CWF19L2: variants seen among roughly 807,000 people sequenced by gnomAD.
The protein encoded by CWF19L2 is CWF19 like cell cycle control factor 2, also known as CWF19-like protein 2.
In CWF19L2, 98 loss-of-function variants were observed where a neutral mutation model predicts 111.7. That is an observed-to-expected ratio of 0.88 (90% confidence interval 0.75 to 1.04). CWF19L2 has a LOEUF of 1.04. CWF19L2 is among the 50% of genes least tolerant of loss of function. CWF19L2 has a pLI of 0.00. For synonymous variants in CWF19L2, 351 were observed against 342.9 expected, an observed-to-expected ratio of 1.02 and a Z score of -0.26; for missense variants, 1,101 against 1,051.4, an observed-to-expected ratio of 1.05 and a Z score of -0.65.
rs539568359 is a variant in CWF19L2, at chr11:107,342,092, T to C, written c.2203-5379A>G. Among the ~76,000 whole-genome samples the C allele has an allele frequency of 1.1e-4, 16 of 152,120 alleles. No homozygotes were observed. In the South Asian group the frequency reaches 3.3e-3, roughly 31 times the overall value. On this transcript the variant is annotated intron_variant, in intron 14 of 17. Transcript: ENST00000282251. Reference sequence around the variant, plus strand: ...TCTTATCTTTATTATTTCTGTCCTTTTGCTTGCTTTGGATGTACTTTGCTC... The same window carrying C: ...TCTTATCTTTATTATTTCTGTCCTTCTGCTTGCTTTGGATGTACTTTGCTC...
intron 10 of CWF19L2, among the ~76,000 whole-genome samples, chr11:107,401,322 G>A (rs1338355510): frequency 6.6e-6 from 1 of 151,998 alleles, no homozygotes; most frequent in Admixed American, 6.6e-5. Context: ...AAACCCTAAG[G>A]ACTCCTCCAG....
At chr11:107,338,087 A>C (rs1259071218) in intron 14 of CWF19L2, among the ~76,000 whole-genome samples, 1 of 152,082 alleles carries the variant, frequency 6.6e-6, no homozygotes. Context: ...AGATGTGGTT[A>C]TGCTATGTTG....
intron 12 of CWF19L2, among the ~76,000 whole-genome samples, chr11:107,355,218 C>T (rs1860217869): frequency 6.6e-6 from 1 of 152,048 alleles, no homozygotes; most frequent in African/African-American, 2.4e-5. Flanking sequence ...GAGTTTGAGA[C>T]CAGCCTGACC....
At chr11:107,380,247 A>C (rs1860664999) in intron 12 of CWF19L2, among the ~76,000 whole-genome samples, 2 of 152,130 alleles carry the variant, frequency 1.3e-5, no homozygotes, top group African/African-American at 4.8e-5. Flanking sequence ...AAACCATTTC[A>C]AATTTTATGA....
At chr11:107,386,438 C>T (rs1387453133) in intron 12 of CWF19L2, among the ~76,000 whole-genome samples, 1 of 152,192 alleles carries the variant, frequency 6.6e-6, no homozygotes, top group Non-Finnish European at 1.5e-5. Context: ...CAAATTCACT[C>T]TTGAACACAA....
intron 12 of CWF19L2, among the ~76,000 whole-genome samples, chr11:107,380,825 T>C (rs1247491366): frequency 6.6e-6 from 1 of 152,168 alleles, no homozygotes; most frequent in East Asian, 1.9e-4. Context: ...CAAGTGTCCA[T>C]GAACAAATGA....
chr11:107,404,628 G>A, intron 10 of CWF19L2: 1 of 531,156 alleles, frequency 1.9e-6, no homozygotes, highest in Non-Finnish European at 3.5e-6. Flanking sequence ...GCTTCCCTTT[G>A]TCCCACGCTT....
chr11:107,339,568 T>A (rs1277611676), intron 14 of CWF19L2, among the ~76,000 whole-genome samples: 1 of 152,090 alleles, frequency 6.6e-6, no homozygotes. Context: ...TGCATTTTCC[T>A]AAGGGCCAAT....
intron 16 of CWF19L2, among the ~76,000 whole-genome samples, chr11:107,334,565 T>G (rs1247903319): frequency 1.3e-5 from 2 of 152,206 alleles, no homozygotes; most frequent in African/African-American, 4.8e-5. Flanking sequence ...TTCTCACCAT[T>G]TGTCCCACAG....
chr11:107,418,099 G>A, intron 9 of CWF19L2, 95 bp downstream of exon 9: 1 of 784,644 alleles, frequency 1.3e-6, no homozygotes, highest in Non-Finnish European at 2.3e-6. Context: ...TTTTCACAGT[G>A]TGCTATATCC....
At position 107,371,825 on chromosome 11, in the gene CWF19L2, C is replaced by T. The variant is rs113663523; in HGVS notation, c.1873-18089G>A. The stretch of plus-strand genomic sequence containing the variant: ...TGACATTCTTAAAAAGTGATCTCTA[C>T]CAAAAAAAGTGGAGAAAGCCAACAA... On this transcript the variant is annotated intron_variant, in intron 12 of 17. Transcript: ENST00000282251. 2.9e-5 allele frequency among the ~76,000 whole-genome samples: 4 copies of T among 135,928 alleles called. 1 individual carries two copies. The highest frequency in any genetic ancestry group is 6.3e-5 in the Non-Finnish European group (4 of 63,896). 89.2% of individuals were successfully genotyped at this position (135,928 alleles called of 152,430 possible).
intron 12 of CWF19L2, among the ~76,000 whole-genome samples, chr11:107,360,931 T>C (rs919657012): frequency 2.0e-5 from 3 of 152,226 alleles, no homozygotes; most frequent in African/African-American, 7.2e-5. Flanking sequence ...CTGTGCAGGC[T>C]ATCTGTTCAT....
At position 107,382,513 on chromosome 11, in the gene CWF19L2, C is replaced by A. The variant is rs80288792; in HGVS notation, c.1872+7561G>T. 4.3e-3 allele frequency among the ~76,000 whole-genome samples: 654 copies of A among 152,290 alleles called. 2 individuals carry two copies. The highest frequency in any genetic ancestry group is 0.017 in the Middle Eastern group (5 of 294). ...AAGGTCCCTTTCCAAATCTAAAATT[C>A]TTTGGCTCTATGATTTCGAAGGAAG... On this transcript the variant is annotated intron_variant, in intron 12 of 17. Coordinates refer to ENST00000282251, the MANE Select transcript of CWF19L2 (RefSeq NM_152434.3).
At chr11:107,333,906 T>G (rs1859884989) in intron 16 of CWF19L2, among the ~76,000 whole-genome samples, 1 of 152,190 alleles carries the variant, frequency 6.6e-6, no homozygotes, top group Non-Finnish European at 1.5e-5. Context: ...ATAAAATACT[T>G]TAGGCTTCGC....
chr11:107,344,707 G>T (rs994718696), intron 14 of CWF19L2, among the ~76,000 whole-genome samples: 1 of 152,106 alleles, frequency 6.6e-6, no homozygotes, highest in Non-Finnish European at 1.5e-5. Context: ...TGTTATCTTG[G>T]TGTTGGTGTC....
At chr11:107,404,152 C>T (rs1042164859) in intron 10 of CWF19L2, 38 of 775,672 alleles carry the variant, frequency 4.9e-5, no homozygotes, top group Admixed American at 2.0e-4. Flanking sequence ...AGCTTCTGCA[C>T]GATTTTTTGC....
chr11:107,425,208 AC>A (rs1180228376), intron 8 of CWF19L2, among the ~76,000 whole-genome samples: 12 of 150,570 alleles, frequency 8.0e-5, no homozygotes, highest in Middle Eastern at 3.4e-3. Flanking sequence ...ACACACACAC[AC>A]ACACACAAAG....
intron 17 of CWF19L2, among the ~76,000 whole-genome samples, chr11:107,329,615 C>A (rs957311874): frequency 1.3e-5 from 2 of 151,994 alleles, no homozygotes; most frequent in Admixed American, 1.3e-4. Context: ...CACTGTAAGC[C>A]CTTAATAAGT....
At chr11:107,418,333 TGCA>T in intron 8 of CWF19L2, 46 bp from the exon 9 acceptor site, 1 of 1,217,124 alleles carries the variant, frequency 8.2e-7, no homozygotes, top group Non-Finnish European at 1.2e-6. Flanking sequence ...ATAGGTGCGA[TGCA>T]AGCAATAACA....
Sources: gnomAD v4.1 joint callset for allele counts (sites outside exome capture counted in the v4.1 genomes callset) on GRCh38, gnomAD v4.1.1 for gene constraint, MANE v1.5 for transcripts, NCBI Gene and HGNC (gene_info 2026-07-23, HGNC 2026-07-21) for gene names.